Variants in TMPRSS15 observed in about 807,000 individuals in gnomAD.
TMPRSS15 encodes enteropeptidase.
In TMPRSS15, 128 loss-of-function variants were observed where a neutral mutation model predicts 125.3. That is an observed-to-expected ratio of 1.02 (90% CI 0.89 to 1.18). TMPRSS15 has a LOEUF of 1.18. Among genes scored for constraint, TMPRSS15 ranks in the 50% most tolerant of loss-of-function variants. The pLI, the probability that TMPRSS15 is intolerant of heterozygous loss-of-function variation, is 0.00. For synonymous variants in TMPRSS15, 446 were observed against 423.2 expected (o/e 1.05, Z -0.66); for missense variants, 1,283 against 1,212.7 (o/e 1.06, Z -0.86).
chr21:18,480,474 G>A (rs1857973057), intron 1 of TMPRSS15, among the ~76,000 whole-genome samples: 1 of 151,770 alleles, frequency 6.6e-6, no homozygotes, highest in Admixed American at 6.6e-5. Flanking sequence ...AATATTTGAA[G>A]GCATGTACAA....
intron 3 of TMPRSS15, among the ~76,000 whole-genome samples, chr21:18,392,037 C>A (rs907216814): frequency 1.4e-4 from 22 of 152,202 alleles, no homozygotes; most frequent in Admixed American, 4.6e-4. Flanking sequence ...CTGTACACAG[C>A]AGTGGGGTCC....
chr21:18,436,115 T>C (rs1042469692), intron 1 of TMPRSS15, among the ~76,000 whole-genome samples: 3 of 151,598 alleles, frequency 2.0e-5, no homozygotes, highest in Admixed American at 6.6e-5. Context: ...GAAGGGTTTT[T>C]TGTGTCTCTA....
intron 1 of TMPRSS15, among the ~76,000 whole-genome samples, chr21:18,425,844 C>G (rs1159025696): frequency 6.6e-6 from 1 of 152,052 alleles, no homozygotes; most frequent in Non-Finnish European, 1.5e-5. Flanking sequence ...GCTTCAAGCA[C>G]TCTTGCTGTA....
chr21:18,380,179 A>G (rs1003732153), intron 4 of TMPRSS15, among the ~76,000 whole-genome samples: 2 of 150,974 alleles, frequency 1.3e-5, no homozygotes, highest in African/African-American at 4.9e-5. Context: ...ACACACACAC[A>G]CACACACACA....
intron 13 of TMPRSS15, among the ~76,000 whole-genome samples, chr21:18,335,309 T>C (rs1165419918): frequency 6.6e-6 from 1 of 152,234 alleles, no homozygotes; most frequent in Non-Finnish European, 1.5e-5. Context: ...TTTTGTTTTT[T>C]ACCATTATTC....
intron 18 of TMPRSS15, among the ~76,000 whole-genome samples, chr21:18,300,984 T>G (rs1178966004): frequency 6.6e-6 from 1 of 152,190 alleles, no homozygotes; most frequent in Non-Finnish European, 1.5e-5. Context: ...ATGTGTAATC[T>G]TATTTTCTGA....
chr21:18,362,421 T>C (rs1305086036), intron 7 of TMPRSS15, among the ~76,000 whole-genome samples: 1 of 152,140 alleles, frequency 6.6e-6, no homozygotes, highest in African/African-American at 2.4e-5. Flanking sequence ...CCTAGGACGC[T>C]TTGCTTTCAG....
At chr21:18,378,346 G>T (rs577334906) in intron 5 of TMPRSS15, among the ~76,000 whole-genome samples, 1 of 152,134 alleles carries the variant, frequency 6.6e-6, no homozygotes, top group African/African-American at 2.4e-5. Context: ...ATGTTGTGGT[G>T]CTGTTTGGAT....
intron 1 of TMPRSS15, among the ~76,000 whole-genome samples, chr21:18,450,390 G>A (rs949759407): frequency 6.6e-6 from 1 of 151,998 alleles, no homozygotes; most frequent in South Asian, 2.1e-4. Context: ...TTCACATGGC[G>A]ATTTCCTATG....
intron 1 of TMPRSS15, among the ~76,000 whole-genome samples, chr21:18,480,944 G>A (rs1978969649): frequency 6.6e-6 from 1 of 151,690 alleles, no homozygotes; most frequent in African/African-American, 2.4e-5. Flanking sequence ...AGAGCAAAAG[G>A]GAACAACTTG....
intron 1 of TMPRSS15, among the ~76,000 whole-genome samples, chr21:18,400,485 A>G (rs2076084974): frequency 1.3e-5 from 2 of 152,190 alleles, no homozygotes; most frequent in African/African-American, 4.8e-5. Flanking sequence ...TGAGGAAAGG[A>G]CTTGCTAGTT....
At position 18,353,107 on chromosome 21, in the gene TMPRSS15, T is replaced by C. The variant is rs999255051; in HGVS notation, c.1022-55A>G. ...AAAATTTAGTCCATAATGTGAGTAG[T>C]TATATTAGATTGTATTGAAAATAAT... On this transcript the variant is annotated intron_variant, in intron 9 of 24. Coordinates refer to ENST00000284885, the MANE Select transcript of TMPRSS15 (RefSeq NM_002772.3). 3 of 1,454,794 alleles carry C rather than the reference T, an allele frequency of 2.1e-6. No individual in the cohort carries two copies. In the African/African-American group the frequency reaches 4.2e-5, roughly 20 times the overall value. 90.1% of individuals were successfully genotyped at this position (1,454,794 alleles called of 1,614,324 possible).
intron 1 of TMPRSS15, among the ~76,000 whole-genome samples, chr21:18,483,875 C>T (rs762248287): frequency 6.6e-6 from 1 of 151,874 alleles, no homozygotes; most frequent in Non-Finnish European, 1.5e-5. Flanking sequence ...AGAAACTTCT[C>T]GTGTCCACTT....
Position 18,353,882 on chromosome 21 carries a change from A to G in TMPRSS15, c.881-19T>C, listed in dbSNP as rs1479210968. Reference sequence around the variant, plus strand: ...ATAGAAGCTACAAAATAAAATAAACAACTGTTATATGTATATATCTATCTG... The same window carrying G: ...ATAGAAGCTACAAAATAAAATAAACGACTGTTATATGTATATATCTATCTG... On this transcript the variant is annotated intron_variant, in intron 8 of 24. Transcript: ENST00000284885. 6.2e-7 allele frequency: 1 copy of G among 1,602,588 alleles called. No homozygotes were observed. Among genetic ancestry groups the G allele is most frequent in the Non-Finnish European group, 8.5e-7 (1 of 1,170,482 alleles).
chr21:18,290,608 G>A (rs1040483359), intron 21 of TMPRSS15, among the ~76,000 whole-genome samples: 11 of 151,712 alleles, frequency 7.3e-5, no homozygotes, highest in Non-Finnish European at 1.6e-4. Flanking sequence ...TAAAGGAGAT[G>A]AAAAAAGTGT....
At chr21:18,393,490 T>C (rs2076007708) in intron 3 of TMPRSS15, among the ~76,000 whole-genome samples, 1 of 152,206 alleles carries the variant, frequency 6.6e-6, no homozygotes, top group African/African-American at 2.4e-5. Context: ...ATGAATCTCT[T>C]TCTTTTGTTG....
At chr21:18,483,589 T>A (rs957288177) in intron 1 of TMPRSS15, among the ~76,000 whole-genome samples, 1 of 151,870 alleles carries the variant, frequency 6.6e-6, no homozygotes, top group African/African-American at 2.4e-5. Context: ...GATTAGAGAT[T>A]TGGGTATTTG....
At chr21:18,319,422 A>ATTTTTT (rs35796863) in intron 16 of TMPRSS15, among the ~76,000 whole-genome samples, 5 of 105,306 alleles carry the variant, frequency 4.7e-5, no homozygotes, top group Non-Finnish European at 9.4e-5. Flanking sequence ...TTCTTCACCG[A>ATTTTTT]TTTTTTTTTT....
intron 18 of TMPRSS15, among the ~76,000 whole-genome samples, chr21:18,298,207 A>G (rs933279743): frequency 6.6e-6 from 1 of 152,204 alleles, no homozygotes; most frequent in South Asian, 2.1e-4. Flanking sequence ...ATTTCCCAGC[A>G]TTGCTGCACT....
Sources: allele counts gnomAD v4.1 joint callset (sites outside exome capture counted in the v4.1 genomes callset), GRCh38; gene constraint gnomAD v4.1.1; transcripts MANE v1.5; gene names NCBI Gene and HGNC (gene_info 2026-07-23, HGNC 2026-07-21).